The following CADM2 variants were observed in gnomAD, a reference collection of about 807,000 sequenced individuals.
CADM2 encodes cell adhesion molecule 2.
Under a neutral mutation model 49.8 loss-of-function variants are expected in CADM2, and 12 were observed. That is an observed-to-expected ratio of 0.24 (90% confidence interval 0.15 to 0.39). The LOEUF is 0.39. CADM2 is among the 10% of genes least tolerant of loss of function. The pLI, the probability that CADM2 is intolerant of heterozygous loss-of-function variation, is 1.00. For synonymous variants in CADM2, 214 were observed against 175.4 expected (o/e 1.22, Z -1.74); for missense variants, 378 against 492.3 (o/e 0.77, Z 2.20).
At chr3:85,639,558 A>G (rs1354392174) in intron 1 of CADM2, among the ~76,000 whole-genome samples, 1 of 152,144 alleles carries the variant, frequency 6.6e-6, no homozygotes, top group Non-Finnish European at 1.5e-5. Flanking sequence ...TGGTACCCGA[A>G]TGTATTCCTT....
intron 1 of CADM2, among the ~76,000 whole-genome samples, chr3:85,648,762 A>T (rs2064962160): frequency 6.6e-6 from 1 of 152,052 alleles, no homozygotes; most frequent in Non-Finnish European, 1.5e-5. Context: ...ACATTACAAG[A>T]GCGTTAACAT....
intron 1 of CADM2, among the ~76,000 whole-genome samples, chr3:85,702,459 A>G (rs1230303218): frequency 3.3e-5 from 5 of 152,108 alleles, no homozygotes; most frequent in Non-Finnish European, 7.4e-5. Flanking sequence ...ATGAACCCTC[A>G]TATTTTCATT....
chr3:85,095,224 A>G (rs1034855064), intron 1 of CADM2, among the ~76,000 whole-genome samples: 2 of 152,308 alleles, frequency 1.3e-5, no homozygotes, highest in South Asian at 4.1e-4. Context: ...AGAGATGTGC[A>G]TACACAACAA....
At chr3:85,879,695 T>C (rs2108379370) in intron 3 of CADM2, among the ~76,000 whole-genome samples, 1 of 152,282 alleles carries the variant, frequency 6.6e-6, no homozygotes. Context: ...TTATATGCAG[T>C]TGTAAGAAAT....
chr3:85,607,229 A>G (rs1380464035), intron 1 of CADM2, among the ~76,000 whole-genome samples: 1 of 152,176 alleles, frequency 6.6e-6, no homozygotes, highest in Admixed American at 6.6e-5. Context: ...GACACATAGC[A>G]AAGAATGCAA....
rs147123673 is a variant in CADM2, at chr3:85,945,681, G to T, written c.791+9824G>T. On this transcript the variant is annotated intron_variant, in intron 7 of 9. Transcript: ENST00000383699. Reference sequence around the variant, plus strand: ...AAACAGAACCAAAGACAAAAACCACGTGATTATCTCAATAGATGCAGAAAA... The same window carrying T: ...AAACAGAACCAAAGACAAAAACCACTTGATTATCTCAATAGATGCAGAAAA... Among the ~76,000 whole-genome samples, 4 of 151,808 alleles carry T rather than the reference G, an allele frequency of 2.6e-5. No individual in the cohort carries two copies. The South Asian group carries it at 8.3e-4, about 32-fold the overall frequency.
chr3:85,224,418 A>C (rs1013859108), intron 1 of CADM2, among the ~76,000 whole-genome samples: 2 of 152,132 alleles, frequency 1.3e-5, no homozygotes, highest in African/African-American at 4.8e-5. Context: ...GTGTCTGTTC[A>C]TATCCTTCAC....
At chr3:85,629,227 G>A (rs906505720) in intron 1 of CADM2, among the ~76,000 whole-genome samples, 4 of 151,752 alleles carry the variant, frequency 2.6e-5, no homozygotes, top group Non-Finnish European at 2.9e-5. Flanking sequence ...CAAAGCATAC[G>A]AAAATTGAAT....
At chr3:85,127,721 C>T (rs2039082360) in intron 1 of CADM2, among the ~76,000 whole-genome samples, 1 of 152,112 alleles carries the variant, frequency 6.6e-6, no homozygotes, top group Non-Finnish European at 1.5e-5. Context: ...AGGTATCATC[C>T]TGGCTTCTGT....
intron 1 of CADM2, among the ~76,000 whole-genome samples, chr3:85,049,690 A>T (rs2035809370): frequency 6.6e-6 from 1 of 152,164 alleles, no homozygotes; most frequent in Non-Finnish European, 1.5e-5. Context: ...GTGATCTGAG[A>T]GAATTCTTTA....
chr3:85,912,238 A>T, intron 5 of CADM2, 135 bp from the exon 6 acceptor site: 1 of 621,530 alleles, frequency 1.6e-6, no homozygotes, highest in Non-Finnish European at 2.8e-6. Flanking sequence ...GAAATAGATT[A>T]AATGTTAAAA....
At chr3:85,223,379 C>G (rs1219519562) in intron 1 of CADM2, among the ~76,000 whole-genome samples, 1 of 152,038 alleles carries the variant, frequency 6.6e-6, no homozygotes, top group Non-Finnish European at 1.5e-5. Context: ...ATATCTATTG[C>G]CTCTGTAACT....
chr3:85,003,190 TC>T (rs1283556058), intron 1 of CADM2, among the ~76,000 whole-genome samples: 1 of 149,932 alleles, frequency 6.7e-6, no homozygotes, highest in Non-Finnish European at 1.5e-5. Flanking sequence ...AAAATAGTGG[TC>T]TATTTTTCTA....
intron 1 of CADM2, among the ~76,000 whole-genome samples, chr3:85,353,880 A>G (rs963710262): frequency 2.0e-5 from 3 of 152,070 alleles, no homozygotes; most frequent in African/African-American, 7.2e-5. Context: ...TGTTTCAAAT[A>G]AAAGTGAAAA....
At chr3:85,361,243 CGA>C (rs2032337239) in intron 1 of CADM2, among the ~76,000 whole-genome samples, 1 of 151,982 alleles carries the variant, frequency 6.6e-6, no homozygotes, top group South Asian at 2.1e-4. Context: ...GAGGCAGCAG[CGA>C]GAGAGGAACT....
At chr3:85,938,014 T>A (rs1210342058) in intron 7 of CADM2, among the ~76,000 whole-genome samples, 1 of 152,062 alleles carries the variant, frequency 6.6e-6, no homozygotes, top group East Asian at 1.9e-4. Context: ...TTTATCATAT[T>A]TCCTTGCAGA....
Position 85,628,578 on chromosome 3 carries a change from C to CACACATATATATACATATAT in CADM2, c.62-97932_62-97913dup, listed in dbSNP as rs1480805212. Reference sequence around the variant, plus strand: ...ACACACATATATATACATATATACACACACATATATATACATATATACACA... The same window carrying CACACATATATATACATATAT: ...ACACACATATATATACATATATACACACACATATATATACATATATACACATATATATACATATATACACA... On this transcript the variant is annotated intron_variant, in intron 1 of 9. Coordinates refer to ENST00000383699, the MANE Select transcript of CADM2 (RefSeq NM_001167675.2). 9.4e-4 allele frequency among the ~76,000 whole-genome samples: 10 copies of CACACATATATATACATATAT among 10,656 alleles called. No homozygotes were observed. In the East Asian group the frequency reaches 0.017, roughly 18 times the overall value. The allele number at this position is 10,656 out of a possible 152,430, so 7.0% of individuals were successfully genotyped here. A position where few individuals can be genotyped will look rare whatever the true frequency, so the allele number is the denominator to read the frequency against.
intron 1 of CADM2, among the ~76,000 whole-genome samples, chr3:85,291,981 G>C (rs1342381624): frequency 1.3e-5 from 2 of 152,004 alleles, no homozygotes; most frequent in Non-Finnish European, 2.9e-5. Context: ...CCAATTAAAA[G>C]ACATAGACTG....
chr3:85,405,908 CCT>C (rs1056347471), intron 1 of CADM2, among the ~76,000 whole-genome samples: 2 of 149,440 alleles, frequency 1.3e-5, no homozygotes, highest in African/African-American at 4.9e-5. Flanking sequence ...AGCGTGAGAC[CCT>C]GTCACAAAAA....
Sources: allele counts gnomAD v4.1 joint callset (sites outside exome capture counted in the v4.1 genomes callset), GRCh38; gene constraint gnomAD v4.1.1; transcripts MANE v1.5; gene names NCBI Gene and HGNC (gene_info 2026-07-23, HGNC 2026-07-21).